PDE4D: variants seen among roughly 807,000 people sequenced by gnomAD.
PDE4D encodes the protein phosphodiesterase 4D, also known as 3',5'-cyclic-AMP phosphodiesterase 4D.
PDE4D carries 24 observed loss-of-function variants against 87.4 expected under a neutral mutation model. That is an observed-to-expected ratio of 0.27 (90% CI 0.20 to 0.39). The LOEUF is 0.39. Among genes scored for constraint, PDE4D ranks in the 10% least tolerant of loss-of-function variants. The pLI, the probability that PDE4D is intolerant of heterozygous loss-of-function variation, is 1.00. For missense variants in PDE4D, 714 were observed against 1,041.0 expected (o/e 0.69, Z 4.32); for synonymous variants, 384 against 383.2 (o/e 1.00, Z -0.02).
intron 1 of PDE4D, among the ~76,000 whole-genome samples, chr5:60,389,185 T>C (rs897679296): frequency 9.2e-5 from 14 of 152,190 alleles, no homozygotes; most frequent in African/African-American, 3.1e-4. Context: ...CTTCTCCCTC[T>C]TCCTTCCCTA....
upstream of PDE4D, among the ~76,000 whole-genome samples, chr5:60,488,679 G>C (rs1749343964): frequency 6.6e-6 from 1 of 152,058 alleles, no homozygotes; most frequent in Non-Finnish European, 1.5e-5. Context: ...CTTTGCAGAT[G>C]GGTAGGCTTT....
chr5:59,122,270 C>A (rs957081999), intron 5 of PDE4D, among the ~76,000 whole-genome samples: 1 of 151,334 alleles, frequency 6.6e-6, no homozygotes, highest in Non-Finnish European at 1.5e-5. Context: ...ATGGATGGAA[C>A]TGGAGATCTT....
intron 1 of PDE4D, among the ~76,000 whole-genome samples, chr5:60,356,980 G>T (rs918086156): frequency 2.6e-5 from 4 of 152,076 alleles, no homozygotes; most frequent in African/African-American, 9.7e-5. Context: ...TAGCTCCAAT[G>T]TCATAAATTC....
At chr5:59,211,177 T>C (rs1166716033) in intron 2 of PDE4D, among the ~76,000 whole-genome samples, 1 of 152,214 alleles carries the variant, frequency 6.6e-6, no homozygotes. Flanking sequence ...TTTATTTTCA[T>C]GTATTTATTT....
At chr5:59,863,770 T>G (rs1746622224) in intron 1 of PDE4D, among the ~76,000 whole-genome samples, 1 of 152,178 alleles carries the variant, frequency 6.6e-6, no homozygotes, top group African/African-American at 2.4e-5. Flanking sequence ...ATTTTTAGTT[T>G]AGGATTTTTT....
chr5:59,812,948 T>C (rs1436790522), intron 1 of PDE4D, among the ~76,000 whole-genome samples: 1 of 152,260 alleles, frequency 6.6e-6, no homozygotes, highest in Non-Finnish European at 1.5e-5. Context: ...GTCAGGCTGC[T>C]GTATTTCATT....
chr5:59,195,749 AGTGCTGAAAAAT>A (rs1382269754), intron 2 of PDE4D, among the ~76,000 whole-genome samples: 3 of 152,224 alleles, frequency 2.0e-5, no homozygotes, highest in Non-Finnish European at 2.9e-5. Context: ...AATAATGTTA[AGTGCTGAAAAAT>A]GTGCTTACCA....
chr5:60,465,882 G>GAA (rs11427068), intron 1 of PDE4D, among the ~76,000 whole-genome samples: 5 of 126,204 alleles, frequency 4.0e-5, no homozygotes, highest in South Asian at 2.5e-4. Context: ...CAGTGAAAGT[G>GAA]AAAAAAAAAA....
chr5:60,365,404 A>C (rs945256576), intron 1 of PDE4D, among the ~76,000 whole-genome samples: 4 of 152,144 alleles, frequency 2.6e-5, no homozygotes, highest in African/African-American at 9.7e-5. Flanking sequence ...CAAGATTGAC[A>C]GTGGCCACTC....
chr5:59,599,286 A>G (rs1056627832), intron 1 of PDE4D, among the ~76,000 whole-genome samples: 1 of 151,096 alleles, frequency 6.6e-6, no homozygotes, highest in Admixed American at 6.6e-5. Flanking sequence ...CAATGGCGCA[A>G]TCTTGGCTCA....
intron 1 of PDE4D, chr5:60,460,787 C>T (rs113595628): frequency 4.0e-5 from 23 of 576,948 alleles, no homozygotes; most frequent in Middle Eastern, 4.8e-4. Context: ...CTTGCTCATC[C>T]GGAAGCAGGC....
chr5:60,189,216 A>G (rs2149517428), intron 1 of PDE4D, among the ~76,000 whole-genome samples: 1 of 152,358 alleles, frequency 6.6e-6, no homozygotes, highest in East Asian at 1.9e-4. Flanking sequence ...GAGGAGGTGG[A>G]TAAGACAGAT....
At chr5:59,428,811 T>A (rs1242123630) in intron 1 of PDE4D, among the ~76,000 whole-genome samples, 1 of 152,162 alleles carries the variant, frequency 6.6e-6, no homozygotes, top group African/African-American at 2.4e-5. Context: ...GCTCCAGATG[T>A]AATAAGTTAA....
chr5:59,993,026 A>G (rs1047935170), intron 2 of PDE4D, among the ~76,000 whole-genome samples: 1 of 152,196 alleles, frequency 6.6e-6, no homozygotes. Context: ...ATCTTATGTT[A>G]TTGTTAGAAA....
At chr5:60,354,411 A>T (rs1359372819) in intron 1 of PDE4D, among the ~76,000 whole-genome samples, 9 of 152,222 alleles carry the variant, frequency 5.9e-5, no homozygotes, top group African/African-American at 2.2e-4. Context: ...CACACAGCAG[A>T]TTCTTTACTT....
chr5:59,558,436 T>C (rs1203111019), intron 1 of PDE4D: 1 of 152,108 alleles, frequency 6.6e-6, no homozygotes, highest in East Asian at 1.9e-4. Context: ...AGCATATCAT[T>C]CTCTTGTTTA....
intron 5 of PDE4D, among the ~76,000 whole-genome samples, chr5:59,101,781 C>A (rs1770776103): frequency 6.6e-6 from 1 of 151,700 alleles, no homozygotes; most frequent in Admixed American, 6.6e-5. Context: ...AAGGAAAGAT[C>A]TGGCATTTCA....
At chr5:59,852,238 T>C (rs1406811009) in intron 1 of PDE4D, among the ~76,000 whole-genome samples, 1 of 152,064 alleles carries the variant, frequency 6.6e-6, no homozygotes, top group Non-Finnish European at 1.5e-5. Flanking sequence ...TACTCATCTC[T>C]GGGAATTCAT....
At chr5:59,349,337 G>A (rs1223730998) in intron 1 of PDE4D, among the ~76,000 whole-genome samples, 1 of 152,064 alleles carries the variant, frequency 6.6e-6, no homozygotes, top group Non-Finnish European at 1.5e-5. Flanking sequence ...TATGACTGTG[G>A]CAAAGAACAT....
Sources: gnomAD v4.1 joint callset for allele counts (sites outside exome capture counted in the v4.1 genomes callset) on GRCh38, gnomAD v4.1.1 for gene constraint, MANE v1.5 for transcripts, NCBI Gene and HGNC (gene_info 2026-07-23, HGNC 2026-07-21) for gene names.